ZFAND3: variants seen among roughly 807,000 people sequenced by gnomAD.
The protein encoded by ZFAND3 is zinc finger AN1-type containing 3.
Under a neutral mutation model 29.6 loss-of-function variants are expected in ZFAND3, and 10 were observed. The ratio of observed to expected loss-of-function variants is 0.34; its 90% CI spans 0.21 to 0.57. The LOEUF (loss-of-function observed/expected upper bound fraction) is 0.57, where lower values mean the gene tolerates loss of function less well. Among genes scored for constraint, ZFAND3 ranks in the 20% least tolerant of loss-of-function variants. ZFAND3 has a pLI of 0.86. For synonymous variants in ZFAND3, 128 were observed against 112.6 expected (o/e 1.14, Z -0.87); for missense variants, 230 against 304.5 (o/e 0.76, Z 1.82).
At chr6:37,877,206 G>T (rs1764810158) in intron 1 of ZFAND3, among the ~76,000 whole-genome samples, 1 of 152,106 alleles carries the variant, frequency 6.6e-6, no homozygotes, top group Non-Finnish European at 1.5e-5. Flanking sequence ...TCTTTCTTGG[G>T]AGCATTGTTT....
chr6:37,863,094 G>C (rs1764523692), intron 1 of ZFAND3, among the ~76,000 whole-genome samples: 1 of 152,134 alleles, frequency 6.6e-6, no homozygotes, highest in African/African-American at 2.4e-5. Context: ...AACCTTCCTA[G>C]GAGTCTGATT....
chr6:37,904,767 A>C (rs1765379216), intron 1 of ZFAND3, among the ~76,000 whole-genome samples: 1 of 152,162 alleles, frequency 6.6e-6, no homozygotes, highest in Non-Finnish European at 1.5e-5. Flanking sequence ...GTATTGTGAG[A>C]ATGTGTCTTA....
At chr6:37,859,712 CTCAA>C (rs1472080598) in intron 1 of ZFAND3, among the ~76,000 whole-genome samples, 3 of 152,176 alleles carry the variant, frequency 2.0e-5, no homozygotes, top group African/African-American at 7.2e-5. Flanking sequence ...GGCCTTGTAC[CTCAA>C]TCAGTTTGTG....
At chr6:37,915,263 T>C (rs751662837) in intron 1 of ZFAND3, among the ~76,000 whole-genome samples, 1 of 152,202 alleles carries the variant, frequency 6.6e-6, no homozygotes, top group African/African-American at 2.4e-5. Flanking sequence ...TAAGGGAATA[T>C]TATGGCTGGT....
rs1290808447 is a variant in ZFAND3 at position 38,041,777 on chromosome 6, CCTCCTCTT to C, written c.113-19813_113-19806del. 2.3e-3 allele frequency among the ~76,000 whole-genome samples: 7 copies of C among 3,064 alleles called. 2 individuals carry two copies. The highest frequency in any genetic ancestry group is 0.015 in the Admixed American group (2 of 134). The allele number at this position is 3,064 out of a possible 152,430, so 2.0% of individuals were successfully genotyped here. On this transcript the variant is annotated intron_variant, in intron 2 of 5. Coordinates refer to ENST00000287218, the MANE Select transcript of ZFAND3 (RefSeq NM_021943.3). ...TCCTCCTCCTCCTCCTCCTCCTCCTCCTCCTCTTCTTTCTTCTTCTTCTCCTCTTCTTT... is the reference window on the plus strand; with the variant it reads ...TCCTCCTCCTCCTCCTCCTCCTCCTCCTTTCTTCTTCTTCTCCTCTTCTTT...
chr6:37,836,437 G>A (rs566004887), intron 1 of ZFAND3, among the ~76,000 whole-genome samples: 8 of 152,294 alleles, frequency 5.3e-5, no homozygotes, highest in Non-Finnish European at 5.9e-5. Context: ...GTGAGTATAA[G>A]GTTAGTGAAA....
intron 3 of ZFAND3, among the ~76,000 whole-genome samples, chr6:38,067,156 T>C (rs1421055555): frequency 6.6e-6 from 1 of 152,166 alleles, no homozygotes; most frequent in Non-Finnish European, 1.5e-5. Flanking sequence ...CGGCGCATAC[T>C]CAAGTCTCAC....
chr6:37,921,304 A>G (rs1257238651), intron 1 of ZFAND3, among the ~76,000 whole-genome samples: 1 of 152,024 alleles, frequency 6.6e-6, no homozygotes, highest in Non-Finnish European at 1.5e-5. Flanking sequence ...TTTATGATAC[A>G]TGTCTAGTGT....
chr6:37,848,220 T>C (rs1196863328), intron 1 of ZFAND3, among the ~76,000 whole-genome samples: 2 of 152,282 alleles, frequency 1.3e-5, no homozygotes, highest in African/African-American at 4.8e-5. Context: ...AGTTTTATTT[T>C]GTTCTAACAT....
At chr6:38,009,488 G>A (rs1421685848) in intron 2 of ZFAND3, among the ~76,000 whole-genome samples, 1 of 152,092 alleles carries the variant, frequency 6.6e-6, no homozygotes, top group Non-Finnish European at 1.5e-5. Flanking sequence ...GGTTATATTG[G>A]GAGAGACAAA....
At chr6:37,997,930 G>C (rs1398417994) in intron 2 of ZFAND3, among the ~76,000 whole-genome samples, 1 of 152,158 alleles carries the variant, frequency 6.6e-6, no homozygotes, top group Admixed American at 6.6e-5. Context: ...AGCAGAATTG[G>C]AAGATTGTTC....
At chr6:37,860,018 C>G (rs1465650406) in intron 1 of ZFAND3, among the ~76,000 whole-genome samples, 1 of 150,444 alleles carries the variant, frequency 6.6e-6, no homozygotes, top group Non-Finnish European at 1.5e-5. Flanking sequence ...ATTACAGGAG[C>G]CTGCCACTAC....
intron 3 of ZFAND3, among the ~76,000 whole-genome samples, chr6:38,079,360 A>G (rs1168548580): frequency 2.0e-5 from 3 of 152,198 alleles, no homozygotes; most frequent in African/African-American, 7.2e-5. Context: ...TAGTTTAACA[A>G]GCTCTCTGGA....
chr6:37,994,896 A>G (rs1160037158), intron 2 of ZFAND3, among the ~76,000 whole-genome samples: 1 of 152,164 alleles, frequency 6.6e-6, no homozygotes, highest in Non-Finnish European at 1.5e-5. Context: ...AGATCAGCCC[A>G]GATGTTTCTT....
At chr6:38,144,133 C>A (rs34780645) in intron 5 of ZFAND3, among the ~76,000 whole-genome samples, 1 of 138,912 alleles carries the variant, frequency 7.2e-6, no homozygotes. Context: ...GTGAGCTGTC[C>A]TAAGCTTTAA....
intron 2 of ZFAND3, among the ~76,000 whole-genome samples, chr6:38,057,503 CAT>C (rs969981370): frequency 2.6e-5 from 4 of 152,192 alleles, no homozygotes; most frequent in African/African-American, 9.7e-5. Flanking sequence ...GTTAAGTACT[CAT>C]GTGCTAGGTT....
chr6:37,824,016 TCCTC>T (rs1273813408), intron 1 of ZFAND3, among the ~76,000 whole-genome samples: 14 of 152,178 alleles, frequency 9.2e-5, no homozygotes, highest in Admixed American at 3.9e-4. Context: ...CCTCAGGTGA[TCCTC>T]CCGCCTCGGC....
chr6:37,864,757 ACACACACACACACATG>A (rs1468704395), intron 1 of ZFAND3, among the ~76,000 whole-genome samples: 9 of 151,188 alleles, frequency 6.0e-5, no homozygotes, highest in African/African-American at 2.2e-4. Flanking sequence ...ACACACACAC[ACACACACACACACATG>A]CACACATACA....
intron 2 of ZFAND3, among the ~76,000 whole-genome samples, chr6:38,029,005 C>G (rs974038796): frequency 1.3e-5 from 2 of 152,162 alleles, no homozygotes; most frequent in African/African-American, 4.8e-5. Context: ...TCTTTCTCGA[C>G]TGTCTTGATT....
Sources: gnomAD v4.1 joint callset for allele counts (sites outside exome capture counted in the v4.1 genomes callset) on GRCh38, gnomAD v4.1.1 for gene constraint, MANE v1.5 for transcripts, NCBI Gene and HGNC (gene_info 2026-07-23, HGNC 2026-07-21) for gene names.